The following TBC1D14 variants were observed in gnomAD, a reference collection of about 807,000 sequenced individuals.
TBC1D14 encodes TBC1 domain family, member 14.
A neutral mutation model predicts 79.0 loss-of-function variants in TBC1D14; 26 were observed. The observed-to-expected ratio is 0.33, with a 90% confidence interval of 0.24 to 0.46. The LOEUF (loss-of-function observed/expected upper bound fraction) is 0.46. Ranked by LOEUF, TBC1D14 falls within the 20% of genes least tolerant of loss-of-function variation. The pLI is 1.00. For synonymous variants in TBC1D14, 394 were observed against 349.9 expected (o/e 1.13, Z -1.40); for missense variants, 769 against 887.6 (o/e 0.87, Z 1.70).
intron 2 of TBC1D14, among the ~76,000 whole-genome samples, chr4:6,960,939 G>A (rs1046784737): frequency 6.6e-6 from 1 of 152,198 alleles, no homozygotes; most frequent in Non-Finnish European, 1.5e-5. Context: ...TTGGGAATGG[G>A]GCTTCTGAAG....
intron 2 of TBC1D14, among the ~76,000 whole-genome samples, chr4:6,954,060 C>T (rs1479282990): frequency 6.6e-6 from 1 of 152,228 alleles, no homozygotes; most frequent in Non-Finnish European, 1.5e-5. Flanking sequence ...TCAGGCTTTG[C>T]TTCCCAGACT....
At chr4:7,028,637 G>C (rs1722719333) in intron 13 of TBC1D14, among the ~76,000 whole-genome samples, 1 of 152,126 alleles carries the variant, frequency 6.6e-6, no homozygotes, top group African/African-American at 2.4e-5. Context: ...ACGTTGACCA[G>C]GCTGGTCTCA....
At chr4:6,921,501 C>G (rs1723856186) in intron 1 of TBC1D14, among the ~76,000 whole-genome samples, 1 of 151,604 alleles carries the variant, frequency 6.6e-6, no homozygotes, top group African/African-American at 2.4e-5. Flanking sequence ...GCCACCATGC[C>G]TGGTTAGGCC....
intron 9 of TBC1D14, among the ~76,000 whole-genome samples, chr4:7,008,283 A>G (rs1720412154): frequency 6.6e-6 from 1 of 152,252 alleles, no homozygotes; most frequent in South Asian, 2.1e-4. Context: ...CAATGTAGAG[A>G]TCTCTCAGCC....
intron 12 of TBC1D14, among the ~76,000 whole-genome samples, chr4:7,016,644 A>G (rs1336262444): frequency 2.6e-5 from 4 of 152,258 alleles, no homozygotes; most frequent in Admixed American, 2.6e-4. Flanking sequence ...CAGAAACTTA[A>G]CACGTACGTA....
chr4:7,007,665 G>A, intron 9 of TBC1D14: 1 of 1,211,264 alleles, frequency 8.3e-7, no homozygotes, highest in South Asian at 1.3e-5. Flanking sequence ...CTTGCAGCAG[G>A]CAGTTGACTT....
intron 9 of TBC1D14, among the ~76,000 whole-genome samples, chr4:7,008,489 C>T (rs772108240): frequency 2.6e-5 from 4 of 152,148 alleles, no homozygotes; most frequent in Non-Finnish European, 4.4e-5. Context: ...CTCGGCTCAC[C>T]GCAGCCTCCG....
intron 2 of TBC1D14, among the ~76,000 whole-genome samples, chr4:6,941,211 G>A (rs893642512): frequency 9.5e-5 from 13 of 136,556 alleles, no homozygotes; most frequent in African/African-American, 2.6e-4. Flanking sequence ...TTTGAGATGC[G>A]GTCTCACTCT....
intron 1 of TBC1D14, among the ~76,000 whole-genome samples, chr4:6,919,843 A>G (rs554280068): frequency 4.0e-5 from 6 of 151,634 alleles, no homozygotes; most frequent in South Asian, 2.1e-4. Flanking sequence ...CTGGTCTCAA[A>G]CTCCTGACTT....
chr4:6,948,728 C>CA (rs1206437844), intron 2 of TBC1D14, among the ~76,000 whole-genome samples: 1 of 141,932 alleles, frequency 7.0e-6, no homozygotes, highest in Non-Finnish European at 1.5e-5. Context: ...TTTTTTGAGA[C>CA]AGAGTCTGTC....
intron 12 of TBC1D14, among the ~76,000 whole-genome samples, chr4:7,016,095 T>G (rs1260646244): frequency 6.6e-6 from 1 of 152,222 alleles, no homozygotes; most frequent in East Asian, 1.9e-4. Flanking sequence ...TCTGTGCCCT[T>G]AAGAGTGTGC....
At chr4:6,958,907 G>A (rs1714918867) in intron 2 of TBC1D14, among the ~76,000 whole-genome samples, 1 of 148,392 alleles carries the variant, frequency 6.7e-6, no homozygotes, top group Admixed American at 6.7e-5. Flanking sequence ...TTTTTGAGAC[G>A]GAGTCTCGCT....
intron 12 of TBC1D14, among the ~76,000 whole-genome samples, chr4:7,022,484 G>T (rs1049069084): frequency 2.6e-5 from 4 of 152,214 alleles, no homozygotes; most frequent in Non-Finnish European, 5.9e-5. Context: ...AAGGAAACTT[G>T]GTCCAGCCTG....
chr4:7,027,613 G>A (rs1722547215), intron 13 of TBC1D14, among the ~76,000 whole-genome samples: 1 of 99,224 alleles, frequency 1.0e-5, no homozygotes, highest in Non-Finnish European at 2.1e-5. Flanking sequence ...ACCCTACACA[G>A]TCACATCCAC....
At chr4:6,925,830 C>T (rs753181655) in intron 2 of TBC1D14, among the ~76,000 whole-genome samples, 9 of 152,122 alleles carry the variant, frequency 5.9e-5, no homozygotes, top group Non-Finnish European at 1.0e-4. Flanking sequence ...TTCAACTGTC[C>T]CTGCTTATGA....
chr4:6,946,260 G>A (rs1021199098), intron 2 of TBC1D14, among the ~76,000 whole-genome samples: 3 of 152,146 alleles, frequency 2.0e-5, no homozygotes, highest in Non-Finnish European at 4.4e-5. Context: ...AATAAGGTTA[G>A]GATTAAATGA....
intron 12 of TBC1D14, among the ~76,000 whole-genome samples, chr4:7,019,476 C>T (rs1436484143): frequency 5.3e-5 from 8 of 152,122 alleles, no homozygotes; most frequent in South Asian, 2.1e-4. Context: ...TTGCTGAGCA[C>T]GTCTGGCTTA....
At chr4:6,997,587 C>G (rs1367915101) in intron 5 of TBC1D14, among the ~76,000 whole-genome samples, 1 of 152,114 alleles carries the variant, frequency 6.6e-6, no homozygotes, top group East Asian at 1.9e-4. Flanking sequence ...GATCGTGCCA[C>G]TGCACTCCAG....
chr4:7,006,544 G>A, intron 8 of TBC1D14, 88 bp from the exon 9 acceptor site: 1 of 1,249,588 alleles, frequency 8.0e-7, no homozygotes, highest in Non-Finnish European at 1.1e-6. Context: ...TTTTTTCCGT[G>A]TTTTGTTCTT....
Sources: gnomAD v4.1 joint callset for allele counts (sites outside exome capture counted in the v4.1 genomes callset) on GRCh38, gnomAD v4.1.1 for gene constraint, MANE v1.5 for transcripts, NCBI Gene and HGNC (gene_info 2026-07-23, HGNC 2026-07-21) for gene names.